Variants in KIF1A observed in about 807,000 individuals in gnomAD.
KIF1A encodes kinesin-like protein KIF1A.
KIF1A carries 46 observed loss-of-function variants against 227.3 expected under a neutral mutation model. The ratio of observed to expected loss-of-function variants is 0.20; its 90% CI spans 0.16 to 0.26. The LOEUF (loss-of-function observed/expected upper bound fraction) is 0.26, where lower values mean the gene tolerates loss of function less well. Among genes scored for constraint, KIF1A ranks in the 10% least tolerant of loss-of-function variants. The probability of loss-of-function intolerance (pLI) is 1.00; values close to 1 mark genes in which losing one functional copy is unlikely to be tolerated. For missense variants in KIF1A, 1,683 were observed against 2,485.9 expected, an observed-to-expected ratio of 0.68 and a Z score of 6.87; for synonymous variants, 1,022 against 1,012.8, an observed-to-expected ratio of 1.01 and a Z score of -0.17.
chr2:240,787,986 C>G (rs116231877), intron 4 of KIF1A, 65 bp downstream of exon 4: 1 of 1,464,006 alleles, frequency 6.8e-7, no homozygotes, highest in Admixed American at 2.0e-5. Context: ...TGGCCCGGAG[C>G]TCTCAGCCTC....
chr2:240,770,824 G>A, intron 15 of KIF1A, 147 bp downstream of exon 15: 1 of 966,822 alleles, frequency 1.0e-6, no homozygotes, highest in African/African-American at 1.7e-5. Flanking sequence ...GGGCACCTGG[G>A]TGGCCACACG....
At position 240,745,032 on chromosome 2, in the gene KIF1A, C is replaced by G. The variant is rs372410148; in HGVS notation, c.3465+395G>C. Among the ~76,000 whole-genome samples the G allele has an allele frequency of 3.3e-5, 5 of 152,274 alleles. No homozygotes were observed. In the East Asian group the frequency reaches 7.7e-4, roughly 24 times the overall value. On this transcript the variant is annotated intron_variant, in intron 32 of 48. Coordinates refer to ENST00000498729, the MANE Select transcript of KIF1A (RefSeq NM_001244008.2). Reference sequence around the variant, plus strand: ...CTCTCCTGCCTGGAGTTTTCCAGACCTCTCGGGACGTTGCCGGCACCCTGT... The same window carrying G: ...CTCTCCTGCCTGGAGTTTTCCAGACGTCTCGGGACGTTGCCGGCACCCTGT...
intron 10 of KIF1A, among the ~76,000 whole-genome samples, 179 bp downstream of exon 10, chr2:240,782,411 C>T (rs2054176268): frequency 6.6e-6 from 1 of 152,168 alleles, no homozygotes; most frequent in Non-Finnish European, 1.5e-5. Flanking sequence ...TCCCCGCAGG[C>T]ACAGGCACCG....
intron 10 of KIF1A, among the ~76,000 whole-genome samples, chr2:240,780,338 C>T (rs80255003): frequency 0.028 from 4,259 of 152,134 alleles, 95 homozygotes; most frequent in Middle Eastern, 0.065. Context: ...CCTCAGAGTA[C>T]GCGGAGCTCC....
chr2:240,717,811 G>A (rs1050077457), intron 48 of KIF1A, among the ~76,000 whole-genome samples: 2 of 152,216 alleles, frequency 1.3e-5, no homozygotes, highest in African/African-American at 2.4e-5. Flanking sequence ...AGGGCAGGCC[G>A]CGCTGCCTTC....
rs866560670 is a variant in KIF1A at position 240,770,841 on chromosome 2, G to C, written c.1341+130C>G. ...GCACCTGGGTGGCCACACGCCAGAGGCTCCTGCTGATGCTCCACAATGGCC... is the reference window on the plus strand; with the variant it reads ...GCACCTGGGTGGCCACACGCCAGAGCCTCCTGCTGATGCTCCACAATGGCC... On this transcript the variant is annotated intron_variant, in intron 15 of 48. Transcript: ENST00000498729. 6 of 1,174,044 alleles carry C rather than the reference G, an allele frequency of 5.1e-6. No individual in the cohort carries two copies. The African/African-American group carries it at 6.2e-5, about 12-fold the overall frequency. The allele number at this position is 1,174,044 out of a possible 1,614,324, so 72.7% of individuals were successfully genotyped here.
chr2:240,747,274 T>A lies in KIF1A; in HGVS notation c.3025A>T (p.Thr1009Ser). The A allele has an allele frequency of 6.2e-7, 1 of 1,613,492 alleles. No homozygotes were observed. Among genetic ancestry groups the A allele is most frequent in the Non-Finnish European group, 8.5e-7 (1 of 1,179,618 alleles). Residue 1009 changes from threonine to serine, a missense_variant, in exon 29 of 49, where the codon ACT becomes TCT. Physicochemically the swap from Thr to Ser is moderately conservative, Grantham distance 58 (BLOSUM62 1). This residue lies in a region of KIF1A where 759 missense variants were observed against 1,020.2 expected (regional missense o/e 0.74). Transcript: ENST00000498729. ...DYGSGVRQSG[T>S]AKISFDDQHF... ...TGGTCATCAAAGGAGATTTTAGCAGTTCCCGACTGGCGGACGCCAGAGCCA... is the reference window on the plus strand; with the variant it reads ...TGGTCATCAAAGGAGATTTTAGCAGATCCCGACTGGCGGACGCCAGAGCCA...
chr2:240,767,192 A>G, intron 18 of KIF1A, 74 bp downstream of exon 18: 1 of 1,312,004 alleles, frequency 7.6e-7, no homozygotes, highest in Non-Finnish European at 1.1e-6. Flanking sequence ...AGAAGCAGGA[A>G]TGGGGAGTCC....
chr2:240,730,317 T>C (rs926041842), intron 38 of KIF1A, among the ~76,000 whole-genome samples: 2 of 152,122 alleles, frequency 1.3e-5, no homozygotes, highest in African/African-American at 2.4e-5. Flanking sequence ...CCTGTGATCA[T>C]ACAGCAGGAA....
chr2:240,797,055 G>A (rs1415238541), intron 2 of KIF1A, among the ~76,000 whole-genome samples: 2 of 152,174 alleles, frequency 1.3e-5, no homozygotes, highest in African/African-American at 2.4e-5. Flanking sequence ...ATCCTGTGAC[G>A]GCAGCAGCAG....
At chr2:240,799,798 T>C (rs1226162399) in intron 1 of KIF1A, among the ~76,000 whole-genome samples, 1 of 152,160 alleles carries the variant, frequency 6.6e-6, no homozygotes, top group Non-Finnish European at 1.5e-5. Flanking sequence ...ATCCCTTGAC[T>C]CAGTAATCCC....
intron 38 of KIF1A, among the ~76,000 whole-genome samples, chr2:240,734,153 C>T (rs2047057768): frequency 6.6e-6 from 1 of 152,248 alleles, no homozygotes; most frequent in South Asian, 2.1e-4. Flanking sequence ...TCCTCCTGGC[C>T]TGGCCAGGTG....
At chr2:240,729,122 C>T (rs935534730) in intron 38 of KIF1A, among the ~76,000 whole-genome samples, 2 of 152,154 alleles carry the variant, frequency 1.3e-5, no homozygotes, top group African/African-American at 2.4e-5. Flanking sequence ...ATCTGGCACA[C>T]GTCACTATCT....
At chr2:240,786,715 T>G (rs1575633128) in intron 5 of KIF1A, among the ~76,000 whole-genome samples, 2 of 125,470 alleles carry the variant, frequency 1.6e-5, no homozygotes, top group African/African-American at 3.4e-5. Context: ...TCAGGACCCC[T>G]GAGTGAGGGG....
At chr2:240,773,988 C>A (rs1285776099) in intron 12 of KIF1A, among the ~76,000 whole-genome samples, 195 bp downstream of exon 12, 1 of 152,214 alleles carries the variant, frequency 6.6e-6, no homozygotes, top group East Asian at 1.9e-4. Flanking sequence ...CCCAAAGGCT[C>A]CATGGAGGGA....
intron 44 of KIF1A, among the ~76,000 whole-genome samples, chr2:240,721,403 G>A (rs528126185): frequency 2.1e-4 from 32 of 152,346 alleles, no homozygotes; most frequent in Non-Finnish European, 3.5e-4. Context: ...GGAGCTCCAC[G>A]CATAATGCAG....
At chr2:240,737,809 C>T (rs2047518223) in intron 37 of KIF1A, among the ~76,000 whole-genome samples, 1 of 152,202 alleles carries the variant, frequency 6.6e-6, no homozygotes, top group South Asian at 2.1e-4. Context: ...GACAGTTCTG[C>T]TCATTCAAAG....
At chr2:240,798,096 A>T (rs1420546048) in intron 1 of KIF1A, 1 of 227,474 alleles carries the variant, frequency 4.4e-6, no homozygotes, top group East Asian at 1.1e-4. Context: ...GGTGGCCTTC[A>T]CACCCACGGC....
intron 25 of KIF1A, 55 bp downstream of exon 25, chr2:240,760,610 C>T: frequency 1.5e-6 from 2 of 1,369,774 alleles, no homozygotes; most frequent in Admixed American, 6.9e-5. Flanking sequence ...CCTGTGGCTT[C>T]AGCCCTGCCC....
Sources: gnomAD v4.1 joint callset for allele counts (sites outside exome capture counted in the v4.1 genomes callset) on GRCh38, gnomAD v4.1.1 for gene constraint, gnomAD v4.1.1 regional missense constraint, MANE v1.5 for transcripts, NCBI Gene and HGNC (gene_info 2026-07-23, HGNC 2026-07-21) for gene names.